PHF19: variants seen among roughly 807,000 people sequenced by gnomAD.
The protein encoded by PHF19 is PHD finger protein 19.
Under a neutral mutation model 79.8 loss-of-function variants are expected in PHF19, and 21 were observed. The ratio of observed to expected loss-of-function variants is 0.26; its 90% CI spans 0.19 to 0.38. PHF19 has a LOEUF of 0.38. PHF19 is among the 10% of genes least tolerant of loss of function. PHF19 has a pLI of 1.00. For synonymous variants in PHF19, 273 were observed against 296.3 expected (o/e 0.92, Z 0.81); for missense variants, 445 against 744.2 (o/e 0.60, Z 4.68).
rs1162601712 is a variant in PHF19, at chr9:120,874,622, C to T, written c.120G>A (p.Leu40=). The change falls in exon 2 of 15, where the codon CTG becomes CTA. Residue 40 remains leucine (L), a synonymous_variant. Coordinates refer to ENST00000373896, the MANE Select transcript of PHF19 (RefSeq NM_015651.3). The surrounding 1 kb of genome is among the most constrained non-coding windows in gnomAD (Gnocchi z 4.5). ...GGCACAGCACATACTGGCCCTCCGT[C>T]AGTTTGGACATCAAGTCTTTGAAGT... ...KNNFKDLMSK[L]TEGQYVLCRW... 1.2e-6 allele frequency: 2 copies of T among 1,614,076 alleles called. No homozygotes were observed. Among genetic ancestry groups the T allele is most frequent in the East Asian group, 2.2e-5 (1 of 44,888 alleles).
intron 1 of PHF19, among the ~76,000 whole-genome samples, chr9:120,884,273 C>T (rs201508100): frequency 1.3e-5 from 2 of 152,198 alleles, no homozygotes; most frequent in Non-Finnish European, 1.5e-5. Flanking sequence ...GTTTTCCCCA[C>T]GTTAAAATAC....
Position 120,870,019 on chromosome 9 carries a change from G to A in PHF19, c.365-74C>T. On this transcript the variant is annotated intron_variant, in intron 4 of 14. Coordinates refer to ENST00000373896, the MANE Select transcript of PHF19 (RefSeq NM_015651.3). This position sits in a 1 kb window ranked among gnomAD's most constrained non-coding sequence, Gnocchi z 4.4. Reference sequence around the variant, plus strand: ...AAGGCCAGTTGGCCCAAAGGAGGCAGGGCTGGGAGGGCTGAGGGAAGTCCT... The same window carrying A: ...AAGGCCAGTTGGCCCAAAGGAGGCAAGGCTGGGAGGGCTGAGGGAAGTCCT... 1 of 1,520,728 alleles carries A rather than the reference G, an allele frequency of 6.6e-7. No homozygotes were observed. 94.2% of individuals were successfully genotyped at this position (1,520,728 alleles called of 1,614,324 possible).
At chr9:120,888,063 C>T (rs1468077235) in intron 1 of PHF19, among the ~76,000 whole-genome samples, 1 of 152,224 alleles carries the variant, frequency 6.6e-6, no homozygotes, top group African/African-American at 2.4e-5. Context: ...ACCTCTGCCT[C>T]CCAGGTTCAA....
In PHF19 at chr9:120,869,985, T is replaced by C; in HGVS notation, c.365-40A>G. ...GGGGCGGTGAGCGCCCACAAGGACA[T>C]CGTGGCCCAAGGCCAGTTGGCCCAA... On this transcript the variant is annotated intron_variant, in intron 4 of 14. Transcript: ENST00000373896. This position sits in a 1 kb window ranked among gnomAD's most constrained non-coding sequence, Gnocchi z 5.8. 1 of 1,544,526 alleles carries C rather than the reference T, an allele frequency of 6.5e-7. No homozygotes were observed. Among genetic ancestry groups the C allele is most frequent in the Non-Finnish European group, 8.7e-7 (1 of 1,143,804 alleles).
intron 3 of PHF19, among the ~76,000 whole-genome samples, chr9:120,871,939 G>A (rs1032087281): frequency 6.8e-6 from 1 of 146,040 alleles, no homozygotes; most frequent in Non-Finnish European, 1.5e-5. Flanking sequence ...TCAGGAGGCT[G>A]AGGCAGAAGA....
At chr9:120,900,294 C>T in the PHF19 span, among the ~76,000 whole-genome samples, 1 of 152,112 alleles carries the variant, frequency 6.6e-6, no homozygotes, top group Middle Eastern at 3.2e-3. Context: ...GCCTTGACTT[C>T]ATTTTCTTAG....
intron 6 of PHF19, among the ~76,000 whole-genome samples, chr9:120,867,651 C>T (rs1254489481): frequency 3.3e-5 from 5 of 152,224 alleles, no homozygotes; most frequent in African/African-American, 1.2e-4. Flanking sequence ...AGAAACACTG[C>T]ATTAATGCAG....
intron 9 of PHF19, among the ~76,000 whole-genome samples, chr9:120,864,759 T>A (rs1357551827): frequency 6.6e-6 from 1 of 152,150 alleles, no homozygotes; most frequent in Admixed American, 6.5e-5. Flanking sequence ...AAAAAAAGAT[T>A]ATTTAAAATT....
chr9:120,874,734 T>G lies in PHF19; in HGVS notation c.8A>C (p.Asn3Thr), dbSNP rs578182165. 243 of 1,612,584 alleles carry G rather than the reference T, an allele frequency of 1.5e-4. 3 individuals carry two copies. The South Asian group carries it at 2.5e-3, about 16-fold the overall frequency. The change falls in exon 2 of 15, where the codon AAT becomes ACT. Residue 3 changes from asparagine (N) to threonine (T), a missense_variant. Physicochemically the swap from Asn to Thr is moderately conservative, Grantham distance 65 (BLOSUM62 0). This residue lies in a region of PHF19 where 50 missense variants were observed against 54.8 expected (regional missense o/e 0.91). Transcript: ENST00000373896. This position sits in a 1 kb window ranked among gnomAD's most constrained non-coding sequence, Gnocchi z 4.5. Reference sequence around the variant, plus strand: ...CCGAGTCCCTGGATCCAGAGCTCGATTCTCCATCAGCTTCCCCTGACACTG... The same window carrying G: ...CCGAGTCCCTGGATCCAGAGCTCGAGTCTCCATCAGCTTCCCCTGACACTG... The part of the protein sequence containing the change: ME[N>T]RALDPGTRDS...
intron 1 of PHF19, chr9:120,876,856 G>A (rs966926382): frequency 9.1e-6 from 3 of 328,184 alleles, no homozygotes; most frequent in Non-Finnish European, 1.3e-5. Flanking sequence ...GATCGGGGGC[G>A]AGGAAGAACG....
chr9:120,877,429 C>CG (rs2046099959), upstream of PHF19: 1 of 884,868 alleles, frequency 1.1e-6, no homozygotes, highest in African/African-American at 1.8e-5. Context: ...GCAGCGCCGC[C>CG]AGCCCCCGCC....
At chr9:120,892,089 G>A (rs929603867) in intron 1 of PHF19, among the ~76,000 whole-genome samples, 3 of 152,162 alleles carry the variant, frequency 2.0e-5, no homozygotes, top group Non-Finnish European at 4.4e-5. Context: ...TTTAAAAAGA[G>A]AATGCCAAAA....
intron 9 of PHF19, among the ~76,000 whole-genome samples, chr9:120,865,251 T>A (rs112314932): frequency 1.3e-5 from 2 of 152,202 alleles, no homozygotes; most frequent in Non-Finnish European, 2.9e-5. Context: ...TGGCTCCAGC[T>A]CTGGCTCAGC....
At chr9:120,878,295 G>A (rs1221831857), upstream of PHF19, among the ~76,000 whole-genome samples, 1 of 152,180 alleles carries the variant, frequency 6.6e-6, no homozygotes, top group Non-Finnish European at 1.5e-5. Flanking sequence ...GGAGTCAGTG[G>A]GCAGAGCTCC....
In PHF19 at chr9:120,862,806, G is replaced by A; in HGVS notation, c.969-57C>T. 6.5e-7 allele frequency: 1 copy of A among 1,547,182 alleles called. No homozygotes were observed. The highest frequency in any genetic ancestry group is 8.9e-7 in the Non-Finnish European group (1 of 1,121,308). ...GGAGTCTGTCAGTCCATCCTCCTGG[G>A]GAGTGGGGTCAAGCATGACACAAGC... is the stretch of plus-strand genomic sequence containing the variant. On this transcript the variant is annotated intron_variant, in intron 10 of 14. Coordinates refer to ENST00000373896, the MANE Select transcript of PHF19 (RefSeq NM_015651.3). This position sits in a 1 kb window ranked among gnomAD's most constrained non-coding sequence, Gnocchi z 4.6.
chr9:120,864,941 A>G (rs1250129244), intron 9 of PHF19, among the ~76,000 whole-genome samples: 2 of 152,164 alleles, frequency 1.3e-5, no homozygotes, highest in Admixed American at 1.3e-4. Flanking sequence ...TTCCACCACG[A>G]ATATGTACAA....
upstream of PHF19, chr9:120,877,286 C>T: frequency 4.3e-6 from 4 of 931,070 alleles, no homozygotes; most frequent in Non-Finnish European, 5.1e-6. Flanking sequence ...GGGGCCGGGG[C>T]GCTCAGGAAG....
chr9:120,859,595 A>G (rs910278752), intron 14 of PHF19, among the ~76,000 whole-genome samples: 3 of 152,164 alleles, frequency 2.0e-5, no homozygotes, highest in Admixed American at 2.0e-4. Flanking sequence ...CCCCACTCCT[A>G]AATCTTCCAC....
upstream of PHF19, among the ~76,000 whole-genome samples, chr9:120,881,150 T>A (rs79503006): frequency 2.1e-3 from 35 of 16,510 alleles, no homozygotes; most frequent in East Asian, 7.3e-3. Flanking sequence ...CGGGGGTTTG[T>A]TTTTTTTTTT....
Sources: allele counts gnomAD v4.1 joint callset (sites outside exome capture counted in the v4.1 genomes callset), GRCh38; gene constraint gnomAD v4.1.1; regional missense constraint gnomAD v4.1.1; non-coding constraint Gnocchi (gnomAD v3.1); transcripts MANE v1.5; gene names NCBI Gene and HGNC (gene_info 2026-07-23, HGNC 2026-07-21).